The following TMEM131 variants were observed in gnomAD, a reference collection of about 807,000 sequenced individuals.
The protein encoded by TMEM131 is transmembrane protein 131, also known as 2610524E03Rik.
TMEM131 carries 66 observed loss-of-function variants against 211.6 expected under a neutral mutation model. That is an observed-to-expected ratio of 0.31 (90% CI 0.26 to 0.38). The LOEUF is 0.38. Ranked by LOEUF, TMEM131 falls within the 10% of genes least tolerant of loss-of-function variation. The pLI is 1.00. For missense variants in TMEM131, 2,036 were observed against 2,299.3 expected (o/e 0.89, Z 2.34); for synonymous variants, 844 against 841.3 (o/e 1.00, Z -0.06).
chr2:97,991,694 G>A (rs1444870628), intron 1 of TMEM131, among the ~76,000 whole-genome samples: 1 of 152,174 alleles, frequency 6.6e-6, no homozygotes, highest in Admixed American at 6.5e-5. Flanking sequence ...GAGACCGTAG[G>A]GGAAAATTCA....
At chr2:97,779,818 C>A (rs1267687354) in intron 31 of TMEM131, among the ~76,000 whole-genome samples, 1 of 152,092 alleles carries the variant, frequency 6.6e-6, no homozygotes, top group African/African-American at 2.4e-5. Context: ...TGTTCCAGAC[C>A]AGCCTGGGTA....
intron 12 of TMEM131, 36 bp downstream of exon 12, chr2:97,818,577 C>T (rs1370008751): frequency 7.6e-7 from 1 of 1,322,788 alleles, no homozygotes; most frequent in Non-Finnish European, 1.1e-6. Flanking sequence ...ATCAAAATAA[C>T]ATCACTCTAT....
chr2:97,926,826 A>C (rs1677012030), intron 2 of TMEM131, among the ~76,000 whole-genome samples: 1 of 152,218 alleles, frequency 6.6e-6, no homozygotes, highest in African/African-American at 2.4e-5. Flanking sequence ...CTAGATGTCC[A>C]GTTCCTAACA....
chr2:97,827,103 C>A, intron 11 of TMEM131: 7 of 409,368 alleles, frequency 1.7e-5, no homozygotes, highest in South Asian at 3.0e-5. Flanking sequence ...TTTAAAATCC[C>A]AAACTTACAA....
Position 97,957,797 on chromosome 2 carries a change from A to G in TMEM131, c.188-30310T>C, listed in dbSNP as rs147477348. Among the ~76,000 whole-genome samples, 75 of 152,334 alleles carry G rather than the reference A, an allele frequency of 4.9e-4. No homozygotes were observed. In the East Asian group the frequency reaches 0.014, roughly 29 times the overall value. ...TTTCAAAACTAGGCCTCTGAAATAC[A>G]ATTAGCTAATGTCATAGTAGGTGCC... On this transcript the variant is annotated intron_variant, in intron 1 of 40. Transcript: ENST00000186436.
Position 97,760,898 on chromosome 2 carries a change from G to C in TMEM131, c.4906C>G (p.Gln1636Glu). Reference sequence around the variant, plus strand: ...AACTTGTGTTTGCTTCCATTTGGCTGTTTTATTTTAGGGTCACTTGAAAAA... The same window carrying C: ...AACTTGTGTTTGCTTCCATTTGGCTCTTTTATTTTAGGGTCACTTGAAAAA... The part of the protein sequence containing the change: ...SSSSSDPKIK[Q>E]PNGSKHKLTK... The change falls in exon 37 of 41, where the codon CAG becomes GAG. Residue 1636 changes from glutamine to glutamate, a missense_variant. Physicochemically the swap from Gln to Glu is conservative, Grantham distance 29. Around this residue, in one of 3 missense-constraint regions of TMEM131, gnomAD observed 1,623 missense variants for 1,805.9 expected, o/e 0.90. Transcript: ENST00000186436. 2 of 1,614,002 alleles carry C rather than the reference G, an allele frequency of 1.2e-6. No homozygotes were observed. The highest frequency in any genetic ancestry group is 1.7e-6 in the Non-Finnish European group (2 of 1,179,894).
rs1367431589 is a variant in TMEM131 at position 97,792,570 on chromosome 2, C to T, written c.3960G>A (p.Arg1320=). The change falls in exon 31 of 41, where the codon AGG becomes AGA. Residue 1320 remains arginine, a synonymous_variant. Coordinates refer to ENST00000186436, the MANE Select transcript of TMEM131 (RefSeq NM_015348.2). The stretch of plus-strand genomic sequence containing the variant: ...GGTGTGCGAGGGGGGCGGGAGACAG[C>T]CTTTCAGGCTGCGGCTCCTGGGGCT... ...VPQPQEPQPE[R]LSPAPLAHPS... The T allele has an allele frequency of 6.2e-7, 1 of 1,613,098 alleles. No homozygotes were observed. Among genetic ancestry groups the T allele is most frequent in the African/African-American group, 1.3e-5 (1 of 74,902 alleles).
chr2:97,757,539 G>A (rs987611115), intron 40 of TMEM131, among the ~76,000 whole-genome samples, 156 bp from the exon 41 acceptor site: 2 of 152,154 alleles, frequency 1.3e-5, no homozygotes, highest in Admixed American at 6.5e-5. Flanking sequence ...TTGAGCAGAT[G>A]TTTCTGATTT....
At chr2:97,975,390 G>GA (rs987473840) in intron 1 of TMEM131, among the ~76,000 whole-genome samples, 22 of 151,932 alleles carry the variant, frequency 1.4e-4, no homozygotes, top group African/African-American at 4.8e-4. Flanking sequence ...GTCTGATCAA[G>GA]AAAAAAACGA....
chr2:97,956,651 A>T (rs1475476169), intron 1 of TMEM131, among the ~76,000 whole-genome samples: 1 of 151,848 alleles, frequency 6.6e-6, no homozygotes, highest in South Asian at 2.1e-4. Flanking sequence ...ATATATATTT[A>T]AAAATATTTC....
intron 1 of TMEM131, among the ~76,000 whole-genome samples, chr2:97,976,228 G>C (rs1330858722): frequency 1.3e-5 from 2 of 151,964 alleles, no homozygotes; most frequent in African/African-American, 4.8e-5. Flanking sequence ...CAAAACAGAA[G>C]GTATCCAGAC....
Position 97,759,567 on chromosome 2 carries a change from T to TG in TMEM131, c.5206+84dup. On this transcript the variant is annotated intron_variant, in intron 39 of 40. Transcript: ENST00000186436. ...CCTCTTCCACAGTGCTGCTGTGCTG[T>TG]GTTCTCCAGCACACAAAACCACACC... is the stretch of plus-strand genomic sequence containing the variant. The TG allele has an allele frequency of 9.5e-6, 11 of 1,163,912 alleles. No homozygotes were observed. The South Asian group carries it at 1.2e-4, about 13-fold the overall frequency. 72.1% of individuals were successfully genotyped at this position (1,163,912 alleles called of 1,614,324 possible).
intron 2 of TMEM131, among the ~76,000 whole-genome samples, chr2:97,914,382 TCA>T (rs1208786808): frequency 1.3e-5 from 2 of 152,222 alleles, no homozygotes; most frequent in Non-Finnish European, 2.9e-5. Context: ...TCAGAAGGTC[TCA>T]GTTTTGTATG....
intron 31 of TMEM131, among the ~76,000 whole-genome samples, chr2:97,784,319 G>A (rs965728609): frequency 1.3e-5 from 2 of 152,028 alleles, no homozygotes; most frequent in Non-Finnish European, 2.9e-5. Flanking sequence ...CATATACTGG[G>A]CCATAAAACA....
In TMEM131 at chr2:97,766,540, T is replaced by C. The variant is rs748424114; in HGVS notation, c.4511A>G (p.Lys1504Arg). Residue 1504 changes from lysine to arginine, a missense_variant, in exon 34 of 41, where the codon AAG (lysine) becomes AGG (arginine). Physicochemically the swap from Lys to Arg is conservative, Grantham distance 26. Transcript: ENST00000186436. ...ESKQRRNLPS[K>R]IPLPTAMTSG... ...TGTCATTGCAGTTGGAAGAGGAATC[T>C]TGCTTGGGAGATTTCTACGTTGCTT... 1.9e-6 allele frequency: 3 copies of C among 1,614,040 alleles called. No individual in the cohort carries two copies. In the South Asian group the frequency reaches 3.3e-5, roughly 18 times the overall value.
At chr2:97,821,395 T>C (rs1682113301) in intron 11 of TMEM131, among the ~76,000 whole-genome samples, 1 of 152,102 alleles carries the variant, frequency 6.6e-6, no homozygotes, top group South Asian at 2.1e-4. Context: ...CAGGGCCAAA[T>C]AAGGGAATAA....
rs560611704 is a variant in TMEM131 at position 97,811,947 on chromosome 2, T to C, written c.1863+474A>G. 6.6e-5 allele frequency among the ~76,000 whole-genome samples: 10 copies of C among 152,344 alleles called. No individual in the cohort carries two copies. The South Asian group carries it at 1.7e-3, about 25-fold the overall frequency. On this transcript the variant is annotated intron_variant, in intron 17 of 40. Coordinates refer to ENST00000186436, the MANE Select transcript of TMEM131 (RefSeq NM_015348.2). ...CGCTCTCTGACAACCAACTGTAACA[T>C]GTTTATTAGACAGGTAAAAATATGT...
Position 97,837,098 on chromosome 2 carries a change from T to C in TMEM131, c.783A>G (p.Gln261=), listed in dbSNP as rs1314559710. ...TCACCCACAGTTTTCTGGTACCTCC[T>C]TGTTGACCCGTTGGGAGTTCTAGGT... ...DLHLELPTGQ[Q]GGTRKLWEIP... is the part of the protein sequence containing the mutation. Residue 261 remains glutamine (Q), a synonymous_variant, in exon 8 of 41, where the codon CAA becomes CAG. Coordinates refer to ENST00000186436, the MANE Select transcript of TMEM131 (RefSeq NM_015348.2). The C allele has an allele frequency of 5.6e-6, 9 of 1,612,524 alleles. No homozygotes were observed. Among genetic ancestry groups the C allele is most frequent in the Admixed American group, 3.4e-5 (2 of 59,694 alleles).
At chr2:97,928,598 C>T (rs1410455947) in intron 1 of TMEM131, among the ~76,000 whole-genome samples, 1 of 151,730 alleles carries the variant, frequency 6.6e-6, no homozygotes, top group Non-Finnish European at 1.5e-5. Context: ...GGGGAGAGTG[C>T]TCACCTAAGT....
Sources: gnomAD v4.1 joint callset for allele counts (sites outside exome capture counted in the v4.1 genomes callset) on GRCh38, gnomAD v4.1.1 for gene constraint, gnomAD v4.1.1 regional missense constraint, MANE v1.5 for transcripts, NCBI Gene and HGNC (gene_info 2026-07-23, HGNC 2026-07-21) for gene names.